The following NDUFA11 variants were observed in gnomAD, a reference collection of about 807,000 sequenced individuals.
NDUFA11 encodes the protein NADH:ubiquinone oxidoreductase subunit A11, also known as NADH dehydrogenase [ubiquinone] 1 alpha subcomplex subunit 11.
Under a neutral mutation model 11.3 loss-of-function variants are expected in NDUFA11, and 14 were observed. That is an observed-to-expected ratio of 1.24 (90% CI 0.82 to 1.94). The LOEUF (loss-of-function observed/expected upper bound fraction) is 1.94. NDUFA11 is among the 30% of genes most tolerant of loss of function. The pLI is 0.00. For missense variants in NDUFA11, 204 were observed against 200.3 expected, an observed-to-expected ratio of 1.02 and a Z score of -0.11; for synonymous variants, 87 against 85.6, an observed-to-expected ratio of 1.02 and a Z score of -0.09.
intron 3 of NDUFA11, 158 bp from the exon 4 acceptor site, chr19:5,895,012 T>C (rs952355379): frequency 1.2e-6 from 1 of 834,148 alleles, no homozygotes; most frequent in East Asian, 2.7e-5. Flanking sequence ...CCCTAGACTC[T>C]GGAGATGTGG....
intron 1 of NDUFA11, among the ~76,000 whole-genome samples, chr19:5,898,194 G>A (rs1383096424): frequency 6.6e-6 from 1 of 152,136 alleles, no homozygotes; most frequent in Non-Finnish European, 1.5e-5. Flanking sequence ...CTGGACGCCA[G>A]GCAGGTCTGA....
chr19:5,896,480 C>T lies in NDUFA11; in HGVS notation c.286G>A (p.Ala96Thr), dbSNP rs1428880391. ...CGTGCTCCCAGAGTCAGGCCTCCGG[C>T]GCAGCCACCGAGGAAGTAGTTCAGG... ...DPLNYFLGGC[A>T]GGLTLGARTH... Residue 96 changes from alanine to threonine, a missense_variant, in exon 3 of 4, where the codon GCC (alanine) becomes ACC (threonine). By Grantham distance (58) the Ala-to-Thr change is moderately conservative. Coordinates refer to ENST00000308961, the MANE Select transcript of NDUFA11 (RefSeq NM_175614.5). The surrounding 1 kb of genome is among the most constrained non-coding windows in gnomAD (Gnocchi z 5.8). 1.8e-5 allele frequency: 28 copies of T among 1,572,876 alleles called. No homozygotes were observed. Among genetic ancestry groups the T allele is most frequent in the Non-Finnish European group, 2.2e-5 (25 of 1,159,578 alleles).
chr19:5,897,096 G>A lies in NDUFA11; in HGVS notation c.98-99C>T, dbSNP rs1047651829. 16 of 923,768 alleles carry A rather than the reference G, an allele frequency of 1.7e-5. No homozygotes were observed. In the African/African-American group the frequency reaches 1.8e-4, roughly 10 times the overall value. The allele number at this position is 923,768 out of a possible 1,614,324, so 57.2% of individuals were successfully genotyped here. A position where few individuals can be genotyped will look rare whatever the true frequency, so the allele number is the denominator to read the frequency against. On this transcript the variant is annotated intron_variant, in intron 1 of 3. Transcript: ENST00000308961. Reference sequence around the variant, plus strand: ...GTGGTCTCCCTCCCTCAGTCCTCACGATGCCCCCCTTCTTTGCCCATAGTG... The same window carrying A: ...GTGGTCTCCCTCCCTCAGTCCTCACAATGCCCCCCTTCTTTGCCCATAGTG...
In NDUFA11 at chr19:5,896,667, G is replaced by T; in HGVS notation, c.191-92C>A. The T allele has an allele frequency of 6.5e-7, 1 of 1,534,146 alleles. No homozygotes were observed. Among genetic ancestry groups the T allele is most frequent in the Non-Finnish European group, 8.8e-7 (1 of 1,134,112 alleles). On this transcript the variant is annotated intron_variant, in intron 2 of 3. Coordinates refer to ENST00000308961, the MANE Select transcript of NDUFA11 (RefSeq NM_175614.5). The surrounding 1 kb of genome is among the most constrained non-coding windows in gnomAD (Gnocchi z 5.8). ...TGCCAGTGTCTGGATGGAGAGAGATGCCACGAGTCGGCTGCTCGCTGTGCA... is the reference window on the plus strand; with the variant it reads ...TGCCAGTGTCTGGATGGAGAGAGATTCCACGAGTCGGCTGCTCGCTGTGCA...
chr19:5,902,010 C>CT (rs1233190480), intron 1 of NDUFA11, among the ~76,000 whole-genome samples: 1 of 151,780 alleles, frequency 6.6e-6, no homozygotes, highest in Non-Finnish European at 1.5e-5. Flanking sequence ...GCGTCTCACT[C>CT]TGTCGCCCAG....
chr19:5,896,422 G>A lies in NDUFA11; in HGVS notation c.313+31C>T, dbSNP rs1481876431. ...CAGGGGTCATTCTGCCAGGCTGGGA[G>A]GAGGGTGGGGGTGGGGAGGGGGCCA... On this transcript the variant is annotated intron_variant, in intron 3 of 3. Coordinates refer to ENST00000308961, the MANE Select transcript of NDUFA11 (RefSeq NM_175614.5). The surrounding 1 kb of genome is among the most constrained non-coding windows in gnomAD (Gnocchi z 5.8). The A allele has an allele frequency of 1.9e-6, 3 of 1,545,236 alleles. No homozygotes were observed. The highest frequency in any genetic ancestry group is 2.6e-6 in the Non-Finnish European group (3 of 1,141,956).
intron 1 of NDUFA11, among the ~76,000 whole-genome samples, chr19:5,903,028 A>AG: frequency 6.8e-6 from 1 of 146,274 alleles, no homozygotes; most frequent in South Asian, 2.2e-4. Flanking sequence ...AAAAAAAAAA[A>AG]GGAGAATGCC....
chr19:5,894,981 T>G, intron 3 of NDUFA11, 127 bp from the exon 4 acceptor site: 1 of 1,074,114 alleles, frequency 9.3e-7, no homozygotes, highest in Non-Finnish European at 1.3e-6. Flanking sequence ...TCTTCAGGGA[T>G]TAAGTCACTC....
At chr19:5,894,949 T>C in intron 3 of NDUFA11, 95 bp from the exon 4 acceptor site, 1 of 1,357,608 alleles carries the variant, frequency 7.4e-7, no homozygotes, top group Non-Finnish European at 1.0e-6. Flanking sequence ...GGAGCCAGAC[T>C]GAGACCCCTG....
At position 5,896,454 on chromosome 19, in the gene NDUFA11, G is replaced by A; in HGVS notation, c.312C>T (p.Arg104=). 6.4e-7 allele frequency: 1 copy of A among 1,570,598 alleles called. No homozygotes were observed. The highest frequency in any genetic ancestry group is 1.2e-5 in the South Asian group (1 of 85,604). The change falls in exon 3 of 4, where the codon CGC becomes CGT. Residue 104 remains arginine, a splice_region_variant and synonymous_variant. Coordinates refer to ENST00000308961, the MANE Select transcript of NDUFA11 (RefSeq NM_175614.5). The surrounding 1 kb of genome is among the most constrained non-coding windows in gnomAD (Gnocchi z 5.8). ...GCAGGLTLGA[R]THNYGIGAAA... The stretch of plus-strand genomic sequence containing the variant: ...GGGGGTGGGGAGGGGGCCACTCACT[G>A]CGTGCTCCCAGAGTCAGGCCTCCGG...
chr19:5,893,382 A>G (rs2057589436), downstream of NDUFA11: 1 of 622,282 alleles, frequency 1.6e-6, no homozygotes. The surrounding 1 kb of genome is among the most constrained non-coding windows in gnomAD (Gnocchi z 4.1). Context: ...AGAGAGTCGC[A>G]TAAGCCAGGA....
Position 5,896,514 on chromosome 19 carries a change from G to A in NDUFA11, c.252C>T (p.Pro84=), listed in dbSNP as rs946203512. The part of the protein sequence containing the change: ...TCISAHVREK[P]DDPLNYFLGG... ...CGAGGAAGTAGTTCAGGGGGTCGTC[G>A]GGCTTCTCGCGGACATGGGCGCTGA... Residue 84 remains proline (P), a synonymous_variant, in exon 3 of 4, where the codon CCC becomes CCT. Coordinates refer to ENST00000308961, the MANE Select transcript of NDUFA11 (RefSeq NM_175614.5). The surrounding 1 kb of genome is among the most constrained non-coding windows in gnomAD (Gnocchi z 5.8). 5 of 1,571,644 alleles carry A rather than the reference G, an allele frequency of 3.2e-6. No individual in the cohort carries two copies. In the South Asian group the frequency reaches 4.7e-5, roughly 15 times the overall value.
In NDUFA11 at chr19:5,896,522, C is replaced by T. The variant is rs865922410; in HGVS notation, c.244G>A (p.Glu82Lys). 7.0e-6 allele frequency: 11 copies of T among 1,570,304 alleles called. No homozygotes were observed. Among genetic ancestry groups the T allele is most frequent in the East Asian group, 4.7e-5 (2 of 42,856 alleles). Residue 82 changes from glutamate to lysine, a missense_variant, in exon 3 of 4, where the codon GAG (glutamate) becomes AAG (lysine). Coordinates refer to ENST00000308961, the MANE Select transcript of NDUFA11 (RefSeq NM_175614.5). This position sits in a 1 kb window ranked among gnomAD's most constrained non-coding sequence, Gnocchi z 5.8. ...LTTCISAHVR[E>K]KPDDPLNYFL... ...TAGTTCAGGGGGTCGTCGGGCTTCTCGCGGACATGGGCGCTGATGCAGGTG... is the reference window on the plus strand; with the variant it reads ...TAGTTCAGGGGGTCGTCGGGCTTCTTGCGGACATGGGCGCTGATGCAGGTG...
In NDUFA11 at chr19:5,903,658, A is replaced by G. The variant is rs2057660087; in HGVS notation, c.51T>C (p.Asp17=). 3.2e-6 allele frequency: 5 copies of G among 1,551,460 alleles called. No homozygotes were observed. Among genetic ancestry groups the G allele is most frequent in the Non-Finnish European group, 4.4e-6 (5 of 1,146,908 alleles). The change falls in exon 1 of 4, where the codon GAT becomes GAC. Residue 17 remains aspartate, a synonymous_variant. Transcript: ENST00000308961. ...RQYWDIPDGT[D]CHRKAYSTTS... ...TGGTGCTGTAGGCTTTGCGGTGGCA[A>G]TCGGTGCCATCGGGGATATCCCAGT... is the stretch of plus-strand genomic sequence containing the variant.
rs540208117 is a variant in NDUFA11, at chr19:5,896,891, C to A, written c.190+14G>T. On this transcript the variant is annotated intron_variant, in intron 2 of 3. Coordinates refer to ENST00000308961, the MANE Select transcript of NDUFA11 (RefSeq NM_175614.5). The surrounding 1 kb of genome is among the most constrained non-coding windows in gnomAD (Gnocchi z 5.8). Reference sequence around the variant, plus strand: ...CAGGAGAGGGCCCAGCCATGCCCAGCCCAGCGTGCTCACCTGCAGTGAACG... The same window carrying A: ...CAGGAGAGGGCCCAGCCATGCCCAGACCAGCGTGCTCACCTGCAGTGAACG... The A allele has an allele frequency of 5.6e-6, 9 of 1,608,818 alleles. No homozygotes were observed. In the East Asian group the frequency reaches 2.0e-4, roughly 36 times the overall value.
At chr19:5,897,021 G>A (rs1437621439) in intron 1 of NDUFA11, 24 bp from the exon 2 acceptor site, 4 of 1,594,306 alleles carry the variant, frequency 2.5e-6, no homozygotes, top group Non-Finnish European at 3.4e-6. Context: ...GAGGGAGGCT[G>A]TTCAGACCCC....
At chr19:5,900,248 C>T (rs910557825) in intron 1 of NDUFA11, among the ~76,000 whole-genome samples, 4 of 152,182 alleles carry the variant, frequency 2.6e-5, no homozygotes, top group Admixed American at 2.0e-4. Context: ...CCACAGTGAC[C>T]GCCAGACCCA....
chr19:5,896,136 T>G lies in NDUFA11; in HGVS notation c.313+317A>C. On this transcript the variant is annotated intron_variant, in intron 3 of 3. Transcript: ENST00000308961. The surrounding 1 kb of genome is among the most constrained non-coding windows in gnomAD (Gnocchi z 5.8). ...GGTCAGGACAGTGAGGGGAACAGCATTCCACGCAGTGCACTGCCCATGCAA... is the reference window on the plus strand; with the variant it reads ...GGTCAGGACAGTGAGGGGAACAGCAGTCCACGCAGTGCACTGCCCATGCAA... 1.7e-6 allele frequency: 1 copy of G among 571,510 alleles called. No homozygotes were observed. Among genetic ancestry groups the G allele is most frequent in the Non-Finnish European group, 3.1e-6 (1 of 322,534 alleles). The allele number at this position is 571,510 out of a possible 1,614,324, so 35.4% of individuals were successfully genotyped here.
intron 1 of NDUFA11, chr19:5,901,226 G>A: frequency 9.7e-7 from 1 of 1,032,256 alleles, no homozygotes; most frequent in Non-Finnish European, 1.3e-6. Context: ...CATGAGGAAT[G>A]CACACACTCT....
Sources: allele counts gnomAD v4.1 joint callset (sites outside exome capture counted in the v4.1 genomes callset), GRCh38; gene constraint gnomAD v4.1.1; non-coding constraint Gnocchi (gnomAD v3.1); transcripts MANE v1.5; gene names NCBI Gene and HGNC (gene_info 2026-07-23, HGNC 2026-07-21).